LARGE1: variants seen among roughly 807,000 people sequenced by gnomAD.
The protein encoded by LARGE1 is LARGE xylosyl- and glucuronyltransferase 1.
LARGE1 carries 43 observed loss-of-function variants against 87.6 expected under a neutral mutation model. That is an observed-to-expected ratio of 0.49 (90% confidence interval 0.38 to 0.63). The LOEUF is 0.63. Among genes scored for constraint, LARGE1 ranks in the 30% least tolerant of loss-of-function variants. The probability of loss-of-function intolerance (pLI) is 0.00; values close to 1 mark genes in which losing one functional copy is unlikely to be tolerated. For synonymous variants in LARGE1, 434 were observed against 394.6 expected (o/e 1.10, Z -1.18); for missense variants, 802 against 1,000.2 (o/e 0.80, Z 2.67).
At chr22:33,450,918 A>C (rs995837129) in intron 6 of LARGE1, among the ~76,000 whole-genome samples, 2 of 152,192 alleles carry the variant, frequency 1.3e-5, no homozygotes, top group African/African-American at 4.8e-5. Context: ...CACACACACA[A>C]GAGCCTTCTC....
At chr22:33,268,165 G>A (rs1041779222), downstream of LARGE1, among the ~76,000 whole-genome samples, 11 of 151,280 alleles carry the variant, frequency 7.3e-5, no homozygotes, top group African/African-American at 2.7e-4. Context: ...TGTTGGCCAG[G>A]CTGGTCTGGA....
intron 6 of LARGE1, among the ~76,000 whole-genome samples, chr22:33,456,294 C>A (rs1325843286): frequency 6.6e-6 from 1 of 152,192 alleles, no homozygotes; most frequent in African/African-American, 2.4e-5. Flanking sequence ...GACACAATCA[C>A]CAACCCCATC....
At chr22:33,879,768 T>C (rs555339801) in intron 1 of LARGE1, among the ~76,000 whole-genome samples, 19 of 152,366 alleles carry the variant, frequency 1.2e-4, no homozygotes, top group South Asian at 2.1e-4. Context: ...TGCTTATATG[T>C]CTGTTACCTC....
the LARGE1 span, among the ~76,000 whole-genome samples, chr22:33,108,021 G>C: frequency 6.6e-6 from 1 of 152,062 alleles, no homozygotes; most frequent in East Asian, 1.9e-4. Flanking sequence ...ATGGAAGACT[G>C]AATAAAATGT....
At chr22:33,115,136 C>T in the LARGE1 span, among the ~76,000 whole-genome samples, 454 of 152,302 alleles carry the variant, frequency 3.0e-3, 1 homozygote, top group African/African-American at 0.01. Context: ...TTGTGCCTCT[C>T]ACCCACCCAA....
At chr22:33,423,623 T>C (rs1273629144) in intron 7 of LARGE1, among the ~76,000 whole-genome samples, 2 of 147,134 alleles carry the variant, frequency 1.4e-5, no homozygotes, top group African/African-American at 5.1e-5. Flanking sequence ...AAGGTTGCAG[T>C]GAGCAGAGAT....
At chr22:33,665,867 G>T (rs748401278) in intron 2 of LARGE1, among the ~76,000 whole-genome samples, 1 of 149,104 alleles carries the variant, frequency 6.7e-6, no homozygotes, top group Non-Finnish European at 1.5e-5. Context: ...ACCCCAGCCT[G>T]GGCAACAGAG....
At chr22:33,849,983 G>T (rs2063542635) in intron 1 of LARGE1, among the ~76,000 whole-genome samples, 1 of 152,218 alleles carries the variant, frequency 6.6e-6, no homozygotes, top group Non-Finnish European at 1.5e-5. Context: ...AAGGGATGGA[G>T]AGATTAAAGA....
In LARGE1 at chr22:33,420,142, G is replaced by A. The variant is rs149070670; in HGVS notation, c.892+12019C>T. ...TCCCATGGGTTGTAAAATTTCCCACGAGCAACCATGAGAAATGCTGCTCTA... is the reference window on the plus strand; with the variant it reads ...TCCCATGGGTTGTAAAATTTCCCACAAGCAACCATGAGAAATGCTGCTCTA... On this transcript the variant is annotated intron_variant, in intron 7 of 14. Transcript: ENST00000397394. Among the ~76,000 whole-genome samples, 376 of 152,198 alleles carry A rather than the reference G, an allele frequency of 2.5e-3. 2 individuals are homozygous for A. Among genetic ancestry groups the A allele is most frequent in the African/African-American group, 8.3e-3 (344 of 41,524 alleles).
At chr22:33,081,211 T>C in the LARGE1 span, among the ~76,000 whole-genome samples, 1 of 152,230 alleles carries the variant, frequency 6.6e-6, no homozygotes, top group South Asian at 2.1e-4. Context: ...ACCTTGATCT[T>C]GGACTTCCCA....
intron 1 of LARGE1, among the ~76,000 whole-genome samples, chr22:33,801,522 T>A (rs73885519): frequency 0.024 from 3,679 of 152,294 alleles, 138 homozygotes; most frequent in African/African-American, 0.084. Flanking sequence ...CATGTCTAAG[T>A]CTTTTGCCCA....
At chr22:33,270,100 AC>A (rs34695693), downstream of LARGE1, among the ~76,000 whole-genome samples, 30 of 152,072 alleles carry the variant, frequency 2.0e-4, no homozygotes, top group African/African-American at 6.3e-4. Context: ...TTTTTGTGGC[AC>A]CCCCATTACC....
chr22:33,311,531 T>C lies in LARGE1; in HGVS notation c.1451+4554A>G, dbSNP rs554392782. Among the ~76,000 whole-genome samples, 13 of 152,298 alleles carry C rather than the reference T, an allele frequency of 8.5e-5. No homozygotes were observed. In the South Asian group the frequency reaches 2.7e-3, roughly 32 times the overall value. ...TCACATCAACTACTTACTAGGCACT[T>C]TACACCTTATTTTGTAGAACCCAGA... On this transcript the variant is annotated intron_variant, in intron 11 of 14. Transcript: ENST00000397394.
the LARGE1 span, among the ~76,000 whole-genome samples, chr22:33,091,201 G>T: frequency 6.6e-6 from 1 of 152,152 alleles, no homozygotes; most frequent in East Asian, 1.9e-4. Context: ...CTCTGCTGCA[G>T]GTCTATATAT....
intron 1 of LARGE1, among the ~76,000 whole-genome samples, chr22:33,912,486 C>G (rs985233130): frequency 6.6e-6 from 1 of 152,160 alleles, no homozygotes; most frequent in South Asian, 2.1e-4. Flanking sequence ...TCCCAATTGG[C>G]CTTGGTAATT....
At chr22:33,752,998 G>A (rs767480227) in intron 2 of LARGE1, among the ~76,000 whole-genome samples, 40 of 152,184 alleles carry the variant, frequency 2.6e-4, no homozygotes, top group Admixed American at 6.5e-4. Flanking sequence ...AAGGCGGGTG[G>A]ATCACGAGGT....
intron 6 of LARGE1, among the ~76,000 whole-genome samples, chr22:33,486,168 G>A (rs1376361909): frequency 6.6e-6 from 1 of 152,228 alleles, no homozygotes; most frequent in African/African-American, 2.4e-5. Context: ...TCCAGGGCAT[G>A]TGGCTTGCCC....
chr22:33,321,171 TGAA>T (rs1936677088), intron 10 of LARGE1: 1 of 152,252 alleles, frequency 6.6e-6, no homozygotes, highest in African/African-American at 2.4e-5. Flanking sequence ...AAACAGCGGT[TGAA>T]GAAAACATTC....
chr22:33,650,674 G>C lies in LARGE1; in HGVS notation c.107-6C>G, dbSNP rs1343391982. On this transcript the variant is annotated splice_polypyrimidine_tract_variant and splice_region_variant and intron_variant, in intron 2 of 14. Coordinates refer to ENST00000397394, the MANE Select transcript of LARGE1 (RefSeq NM_133642.5). ...CAGAGACACGGGCTTTCCATCTGGG[G>C]AGCGAAACACCAGGGAAGCTTTAAT... 2 of 1,599,148 alleles carry C rather than the reference G, an allele frequency of 1.3e-6. No individual in the cohort carries two copies. Among genetic ancestry groups the C allele is most frequent in the Non-Finnish European group, 8.5e-7 (1 of 1,179,932 alleles).
Sources: allele counts gnomAD v4.1 joint callset (sites outside exome capture counted in the v4.1 genomes callset), GRCh38; gene constraint gnomAD v4.1.1; transcripts MANE v1.5; gene names NCBI Gene and HGNC (gene_info 2026-07-23, HGNC 2026-07-21).